RTL1: variants seen among roughly 807,000 people sequenced by gnomAD.
RTL1 encodes the protein retrotransposon-like protein 1.
For synonymous variants in RTL1, 727 were observed against 748.4 expected (o/e 0.97, Z 0.47); for missense variants, 1,681 against 1,767.5 (o/e 0.95, Z 0.88).
At position 100,893,679 on chromosome 14, in the gene RTL1, G is replaced by A. The variant is rs971968351; in HGVS notation, c.-148-174C>T. ...CCACGTGGCTACGTTGGGGACCTCC[G>A]TGATGCTTCCTGAGTGCTTACTATG... is the stretch of plus-strand genomic sequence containing the variant. On this transcript the variant is annotated intron_variant, in intron 2 of 3. Transcript: ENST00000649591. This position sits in a 1 kb window ranked among gnomAD's most constrained non-coding sequence, Gnocchi z 4.2. Among the ~76,000 whole-genome samples the A allele has an allele frequency of 3.9e-5, 6 of 152,196 alleles. No homozygotes were observed. The highest frequency in any genetic ancestry group is 4.1e-4 in the South Asian group (2 of 4,830).
Position 100,884,685 on chromosome 14 carries a change from G to T in RTL1, c.104C>A (p.Ala35Glu). 6.2e-7 allele frequency: 1 copy of T among 1,613,660 alleles called. No homozygotes were observed. ...SSEGSSNTTE[A>E]TSGSGVRGEA... ...TCCCCGCACTCCACTGCCCGACGTCGCCTCGGTGGTGTTGGATGAGCCCTC... is the reference window on the plus strand; with the variant it reads ...TCCCCGCACTCCACTGCCCGACGTCTCCTCGGTGGTGTTGGATGAGCCCTC... The change falls in exon 4 of 4, where the codon GCG becomes GAG. Residue 35 changes from alanine (A) to glutamate (E), a missense_variant. Coordinates refer to ENST00000649591, the MANE Select transcript of RTL1 (RefSeq NM_001134888.3).
intron 3 of RTL1, among the ~76,000 whole-genome samples, chr14:100,890,914 T>A (rs975106104): frequency 5.3e-5 from 8 of 152,056 alleles, no homozygotes; most frequent in African/African-American, 1.4e-4. Context: ...TATTTATCGA[T>A]TATTATTATT....
In RTL1 at chr14:100,882,354, A is replaced by T. The variant is rs1447147874; in HGVS notation, c.2435T>A (p.Phe812Tyr). 19 of 1,551,546 alleles carry T rather than the reference A, an allele frequency of 1.2e-5. No individual in the cohort carries two copies. The highest frequency in any genetic ancestry group is 1.7e-5 in the Non-Finnish European group (19 of 1,146,992). The change falls in exon 4 of 4, where the codon TTC (phenylalanine) becomes TAC (tyrosine). Residue 812 changes from phenylalanine to tyrosine, a missense_variant. By Grantham distance (22) the Phe-to-Tyr change is conservative. Coordinates refer to ENST00000649591, the MANE Select transcript of RTL1 (RefSeq NM_001134888.3). ...TPGSKLSLRN[F>Y]IEFVFPYRHF... Reference sequence around the variant, plus strand: ...GCGGTAGGGGAAGACGAATTCGATGAAGTTTCGCAGAGATAGCTTGGAGCC... The same window carrying T: ...GCGGTAGGGGAAGACGAATTCGATGTAGTTTCGCAGAGATAGCTTGGAGCC...
In RTL1 at chr14:100,893,003, G is replaced by A. The variant is rs955847430; in HGVS notation, c.-87+441C>T. Among the ~76,000 whole-genome samples, 35 of 152,090 alleles carry A rather than the reference G, an allele frequency of 2.3e-4. No homozygotes were observed. The highest frequency in any genetic ancestry group is 8.2e-4 in the African/African-American group (34 of 41,406). ...AAAGCCAGGTTTCTCCTGGGCAGGAGCAGATGCCCAGAGTGGGGTTGGCAG... is the reference window on the plus strand; with the variant it reads ...AAAGCCAGGTTTCTCCTGGGCAGGAACAGATGCCCAGAGTGGGGTTGGCAG... On this transcript the variant is annotated intron_variant, in intron 3 of 3. Coordinates refer to ENST00000649591, the MANE Select transcript of RTL1 (RefSeq NM_001134888.3). The surrounding 1 kb of genome is among the most constrained non-coding windows in gnomAD (Gnocchi z 4.2).
At chr14:100,897,864 A>G in intron 2 of RTL1, 1 of 440,474 alleles carries the variant, frequency 2.3e-6, no homozygotes, top group Non-Finnish European at 4.7e-6. Context: ...TGTTTATGAC[A>G]TTATTATAAA....
At chr14:100,897,821 C>T (rs1472725166) in intron 2 of RTL1, 11 of 218,500 alleles carry the variant, frequency 5.0e-5, no homozygotes, top group African/African-American at 2.9e-4. Flanking sequence ...TAAGTAATTG[C>T]TGAGATTTGG....
intron 2 of RTL1, among the ~76,000 whole-genome samples, chr14:100,895,873 G>A (rs2038848774): frequency 6.6e-6 from 1 of 152,122 alleles, no homozygotes; most frequent in African/African-American, 2.4e-5. Context: ...AGGAGTTTGA[G>A]ACCAGCCTGG....
chr14:100,884,622 T>G lies in RTL1; in HGVS notation c.167A>C (p.Lys56Thr). Residue 56 changes from lysine to threonine, a missense_variant, in exon 4 of 4, where the codon AAG becomes ACG. Physicochemically the swap from Lys to Thr is moderately conservative, Grantham distance 78. Coordinates refer to ENST00000649591, the MANE Select transcript of RTL1 (RefSeq NM_001134888.3). ...CTGGAGTGGGCCACTGGGGGGCTCC[T>G]TCTTTTCCTGGGCTGGGCCGCTGGC... Reference protein sequence around the residue: ...GPASGPAQEKKEPPSGPLQEM... With the variant: ...GPASGPAQEKTEPPSGPLQEM... 1 of 1,613,724 alleles carries G rather than the reference T, an allele frequency of 6.2e-7. No individual in the cohort carries two copies. The highest frequency in any genetic ancestry group is 1.1e-5 in the South Asian group (1 of 91,044).
Position 100,883,898 on chromosome 14 carries a change from G to T in RTL1, c.891C>A (p.Gly297=). The part of the protein sequence containing the change: ...AEEAMFTIRQ[G]GRSATEYIDE... The stretch of plus-strand genomic sequence containing the variant: ...CGATGTACTCAGTGGCAGAGCGGCC[G>T]CCCTGCCTGATGGTGAACATGGCCT... Residue 297 remains glycine (G), a synonymous_variant, in exon 4 of 4, where the codon GGC becomes GGA. Transcript: ENST00000649591. The surrounding 1 kb of genome is among the most constrained non-coding windows in gnomAD (Gnocchi z 5.9). 1 of 1,551,514 alleles carries T rather than the reference G, an allele frequency of 6.4e-7. No homozygotes were observed. Among genetic ancestry groups the T allele is most frequent in the Middle Eastern group, 1.7e-4 (1 of 5,990 alleles).
intron 2 of RTL1, chr14:100,899,076 G>A (rs546598025): frequency 2.0e-5 from 3 of 152,372 alleles, no homozygotes; most frequent in East Asian, 1.9e-4. Flanking sequence ...CATCTGTCCC[G>A]TGGCGCTGGG....
intron 3 of RTL1, among the ~76,000 whole-genome samples, chr14:100,888,123 A>G (rs2038719144): frequency 6.6e-6 from 1 of 152,210 alleles, no homozygotes; most frequent in South Asian, 2.1e-4. Flanking sequence ...ACGCCTCTGC[A>G]TGAGATTTCA....
chr14:100,880,985 T>C lies in RTL1; in HGVS notation c.3804A>G (p.Pro1268=), dbSNP rs766536856. The part of the protein sequence containing the change: ...DKQDNDVQEA[P]PSHTAATHPP... ...GGTGGGTGGCTGCTGTGTGGCTGGG[T>C]GGGGCCTCCTGCACGTCGTTGTCCT... The change falls in exon 4 of 4, where the codon CCA becomes CCG. Residue 1268 remains proline, a synonymous_variant. Transcript: ENST00000649591. 1 of 1,558,812 alleles carries C rather than the reference T, an allele frequency of 6.4e-7. No individual in the cohort carries two copies. Among genetic ancestry groups the C allele is most frequent in the Admixed American group, 1.9e-5 (1 of 52,404 alleles).
rs963497285 is a variant in RTL1, at chr14:100,882,497, G to C, written c.2292C>G (p.Ser764=). The C allele has an allele frequency of 2.6e-6, 4 of 1,551,974 alleles. No homozygotes were observed. The highest frequency in any genetic ancestry group is 3.9e-5 in the Admixed American group (2 of 51,010). Residue 764 remains serine, a synonymous_variant, in exon 4 of 4, where the codon TCC becomes TCG. Transcript: ENST00000649591. ...VRFRHHNVYC[S]LDKSQFHRQT... ...GGCGGTGGAACTGGCTCTTGTCCAG[G>C]GAGCAGTAGACGTTGTGATGGCGGA... is the stretch of plus-strand genomic sequence containing the variant.
At position 100,883,191 on chromosome 14, in the gene RTL1, T is replaced by C; in HGVS notation, c.1598A>G (p.Asn533Ser). 2 of 1,564,916 alleles carry C rather than the reference T, an allele frequency of 1.3e-6. No homozygotes were observed. The highest frequency in any genetic ancestry group is 2.4e-5 in the East Asian group (1 of 42,476). Residue 533 changes from asparagine (N) to serine (S), a missense_variant, in exon 4 of 4, where the codon AAC (asparagine) becomes AGC (serine). Asn to Ser is a conservative substitution (Grantham distance 46). Coordinates refer to ENST00000649591, the MANE Select transcript of RTL1 (RefSeq NM_001134888.3). The surrounding 1 kb of genome is among the most constrained non-coding windows in gnomAD (Gnocchi z 5.9). ...GCATGGCGGGGGCGGGCGGAAGCAG[T>C]TCTTCAGGCAGTAGGGAGAGTGGAA... ...CTFHSPYCLK[N>S]CFRPPPPCIA...
rs1483616918 is a variant in RTL1, at chr14:100,880,216, TG to T, written c.*495del. ...TGTCGGGAGGTTGGGGGATGGGGGT[TG>T]GGGGGCGGGGGCGGGAGCTCAGGGG... On this transcript the variant is annotated 3_prime_UTR_variant, in exon 4 of 4. Transcript: ENST00000649591. Among the ~76,000 whole-genome samples the T allele has an allele frequency of 9.7e-4, 2 of 2,070 alleles. No individual in the cohort carries two copies. The highest frequency in any genetic ancestry group is 2.0e-3 in the Non-Finnish European group (2 of 1,022). 1.4% of individuals were successfully genotyped at this position (2,070 alleles called of 152,430 possible). A position where few individuals can be genotyped will look rare whatever the true frequency, so the allele number is the denominator to read the frequency against.
rs2038674981 is a variant in RTL1 at position 100,884,784 on chromosome 14, A to G, written c.5T>C (p.Ile2Thr). The G allele has an allele frequency of 1.3e-6, 2 of 1,562,666 alleles. No individual in the cohort carries two copies. Among genetic ancestry groups the G allele is most frequent in the East Asian group, 2.3e-5 (1 of 44,258 alleles). M[I>T]EPSEDSFETM... ...CTCAAATGAGTCTTCAGAGGGTTCTATCATTTCGTCGGATGGAAAGGAGTG... is the reference window on the plus strand; with the variant it reads ...CTCAAATGAGTCTTCAGAGGGTTCTGTCATTTCGTCGGATGGAAAGGAGTG... Residue 2 changes from isoleucine to threonine, a missense_variant, in exon 4 of 4, where the codon ATA (isoleucine) becomes ACA (threonine). Physicochemically the swap from Ile to Thr is moderately conservative, Grantham distance 89. Transcript: ENST00000649591.
chr14:100,892,494 G>A (rs74082829), intron 3 of RTL1, among the ~76,000 whole-genome samples: 31,219 of 152,202 alleles, frequency 0.21, 3,825 homozygotes, highest in African/African-American at 0.34. Context: ...TCTTACGACT[G>A]TTACTTCCAG....
At chr14:100,885,014 G>A (rs968370525) in intron 3 of RTL1, among the ~76,000 whole-genome samples, 140 bp from the exon 4 acceptor site, 9 of 152,234 alleles carry the variant, frequency 5.9e-5, no homozygotes, top group African/African-American at 1.9e-4. Flanking sequence ...CTTGTATCGA[G>A]CCAGCCTCTT....
At chr14:100,895,820 C>G (rs2038847614) in intron 2 of RTL1, among the ~76,000 whole-genome samples, 1 of 152,128 alleles carries the variant, frequency 6.6e-6, no homozygotes, top group African/African-American at 2.4e-5. Flanking sequence ...CGCTTATAAT[C>G]CCAGCACTTT....
Sources: gnomAD v4.1 joint callset for allele counts (sites outside exome capture counted in the v4.1 genomes callset) on GRCh38, gnomAD v4.1.1 for gene constraint, Gnocchi (gnomAD v3.1) non-coding constraint, MANE v1.5 for transcripts, NCBI Gene and HGNC (gene_info 2026-07-23, HGNC 2026-07-21) for gene names.